SLC9D1: variants seen among roughly 807,000 people sequenced by gnomAD.
The protein encoded by SLC9D1 is solute carrier family 9 member D1, also known as putative LAG1-interacting protein.
At chr13:113,494,180 G>C in the SLC9D1 span, among the ~76,000 whole-genome samples, 1 of 152,212 alleles carries the variant, frequency 6.6e-6, no homozygotes, top group African/African-American at 2.4e-5. Flanking sequence ...ATGAAGAATG[G>C]TTAGGTTAAT....
the SLC9D1 span, among the ~76,000 whole-genome samples, chr13:113,540,753 T>G: frequency 1.3e-5 from 2 of 152,244 alleles, no homozygotes; most frequent in Non-Finnish European, 2.9e-5. Flanking sequence ...CTTGTCAGTT[T>G]GTTACCGTTG....
At chr13:113,546,733 C>T in the SLC9D1 span, among the ~76,000 whole-genome samples, 1 of 152,138 alleles carries the variant, frequency 6.6e-6, no homozygotes. This position sits in a 1 kb window ranked among gnomAD's most constrained non-coding sequence, Gnocchi z 7.1. Flanking sequence ...AGCTCAGGTC[C>T]AGCCCCAGCA....
the SLC9D1 span, among the ~76,000 whole-genome samples, chr13:113,491,921 T>G: frequency 6.6e-6 from 1 of 152,264 alleles, no homozygotes; most frequent in Non-Finnish European, 1.5e-5. Context: ...ATTTACCGGC[T>G]TTTTCAAAAG....
At chr13:113,520,103 A>G in the SLC9D1 span, among the ~76,000 whole-genome samples, 15 of 152,234 alleles carry the variant, frequency 9.9e-5, no homozygotes, top group Non-Finnish European at 1.9e-4. Context: ...TCGTGGAAGT[A>G]AAAGGTGTTC....
chr13:113,509,836 C>G, the SLC9D1 span, among the ~76,000 whole-genome samples: 1 of 152,194 alleles, frequency 6.6e-6, no homozygotes, highest in East Asian at 1.9e-4. Context: ...AGAGCCGCTT[C>G]GAATGCCGAG....
chr13:113,548,072 T>C, the SLC9D1 span, among the ~76,000 whole-genome samples: 1 of 152,216 alleles, frequency 6.6e-6, no homozygotes, highest in Non-Finnish European at 1.5e-5. Context: ...TTTCTGCTAA[T>C]GAACCGAAAG....
the SLC9D1 span, chr13:113,528,975 C>A: frequency 3.9e-5 from 6 of 152,102 alleles, no homozygotes; most frequent in Non-Finnish European, 7.4e-5. Context: ...ACCAGTTATT[C>A]TCAACGGAGG....
the SLC9D1 span, among the ~76,000 whole-genome samples, chr13:113,493,346 G>T: frequency 6.6e-6 from 1 of 152,178 alleles, no homozygotes; most frequent in Non-Finnish European, 1.5e-5. Flanking sequence ...GGGAAACTGG[G>T]AAGTGTAAGC....
chr13:113,527,001 A>C, the SLC9D1 span, among the ~76,000 whole-genome samples: 1 of 152,154 alleles, frequency 6.6e-6, no homozygotes, highest in East Asian at 1.9e-4. Context: ...AGCAGGAGGC[A>C]GTGCCAGGCG....
At chr13:113,499,544 T>A in the SLC9D1 span, among the ~76,000 whole-genome samples, 1 of 152,190 alleles carries the variant, frequency 6.6e-6, no homozygotes, top group Admixed American at 6.5e-5. Flanking sequence ...GTGTTTAAGA[T>A]TCTAAGAAAA....
At chr13:113,549,235 C>T in the SLC9D1 span, among the ~76,000 whole-genome samples, 6 of 151,550 alleles carry the variant, frequency 4.0e-5, no homozygotes, top group South Asian at 2.1e-4. Context: ...TCGGCATGAC[C>T]GCGCTTAGCT....
the SLC9D1 span, among the ~76,000 whole-genome samples, chr13:113,509,802 G>A: frequency 6.6e-6 from 1 of 152,184 alleles, no homozygotes; most frequent in Non-Finnish European, 1.5e-5. Context: ...TTAACACAGT[G>A]CTGAGTGCAC....
chr13:113,521,314 G>A, the SLC9D1 span, among the ~76,000 whole-genome samples: 1 of 147,906 alleles, frequency 6.8e-6, no homozygotes, highest in Non-Finnish European at 1.5e-5. Context: ...ATATCTGTGT[G>A]TTTGCATGTG....
At chr13:113,523,906 A>G in the SLC9D1 span, among the ~76,000 whole-genome samples, 1 of 152,182 alleles carries the variant, frequency 6.6e-6, no homozygotes, top group East Asian at 1.9e-4. Context: ...CTTAATTTCC[A>G]TACATCTGGA....
the SLC9D1 span, among the ~76,000 whole-genome samples, chr13:113,545,180 G>A: frequency 3.0e-4 from 45 of 152,364 alleles, no homozygotes; most frequent in Middle Eastern, 3.4e-3. Flanking sequence ...TGTGCAGGCA[G>A]CGTCCTTAGC....
At chr13:113,498,234 T>C in the SLC9D1 span, 3 of 815,714 alleles carry the variant, frequency 3.7e-6, no homozygotes, top group South Asian at 4.5e-5. Flanking sequence ...AATTAAGTTA[T>C]TGACATATGA....
the SLC9D1 span, among the ~76,000 whole-genome samples, chr13:113,526,766 T>G: frequency 9.2e-5 from 14 of 152,178 alleles, no homozygotes; most frequent in African/African-American, 3.4e-4. Context: ...CTGCCGTGGT[T>G]TACAGTAGTG....
chr13:113,528,790 A>G, the SLC9D1 span: 2 of 152,350 alleles, frequency 1.3e-5, no homozygotes, highest in East Asian at 1.9e-4. Context: ...ATGTCTTTAA[A>G]TATCAGAAAA....
the SLC9D1 span, chr13:113,510,502 A>G: frequency 7.1e-7 from 1 of 1,414,564 alleles, no homozygotes; most frequent in Non-Finnish European, 9.7e-7. Context: ...AGTTGAGGGC[A>G]TGTGAGGAAA....
Sources: allele counts gnomAD v4.1 joint callset (sites outside exome capture counted in the v4.1 genomes callset), GRCh38; gene constraint gnomAD v4.1.1; non-coding constraint Gnocchi (gnomAD v3.1); transcripts MANE v1.5; gene names NCBI Gene and HGNC (gene_info 2026-07-23, HGNC 2026-07-21).